Variants in RUVBL1 observed in about 807,000 individuals in gnomAD.
RUVBL1 encodes RuvB like AAA ATPase 1.
RUVBL1 carries 4 observed loss-of-function variants against 52.4 expected under a neutral mutation model. The observed-to-expected ratio is 0.08, with a 90% CI of 0.04 to 0.17. RUVBL1 has a LOEUF of 0.17. Ranked by LOEUF, RUVBL1 falls within the 10% of genes least tolerant of loss-of-function variation. The pLI, the probability that RUVBL1 is intolerant of heterozygous loss-of-function variation, is 1.00. For missense variants in RUVBL1, 298 were observed against 572.8 expected (o/e 0.52, Z 4.90); for synonymous variants, 217 against 214.4 (o/e 1.01, Z -0.10).
rs1382170696 is a variant in RUVBL1, at chr3:128,067,552, G to A, written c.940-2332C>T. On this transcript the variant is annotated intron_variant, in intron 9 of 9. Transcript: ENST00000464873. The surrounding 1 kb of genome is among the most constrained non-coding windows in gnomAD (Gnocchi z 4.1). Reference sequence around the variant, plus strand: ...CAGTTGTATACATAGTGTTCATGCTGGGCTCCTGTGCATTCTTCTCCAAAA... The same window carrying A: ...CAGTTGTATACATAGTGTTCATGCTAGGCTCCTGTGCATTCTTCTCCAAAA... The A allele has an allele frequency of 6.2e-7, 1 of 1,613,752 alleles. No individual in the cohort carries two copies. Among genetic ancestry groups the A allele is most frequent in the South Asian group, 1.1e-5 (1 of 90,974 alleles).
intron 6 of RUVBL1, 142 bp downstream of exon 6, chr3:128,100,453 C>G: frequency 7.7e-6 from 7 of 905,096 alleles, no homozygotes; most frequent in Non-Finnish European, 1.1e-5. Context: ...TAGCTCATGT[C>G]GATGTTAATT....
upstream of RUVBL1, among the ~76,000 whole-genome samples, chr3:128,127,209 G>A (rs551898702): frequency 4.6e-5 from 7 of 152,270 alleles, no homozygotes; most frequent in South Asian, 2.1e-4. Flanking sequence ...CATCATCCTC[G>A]CCTTACTTGC....
At chr3:128,111,024 AG>A (rs1943379147) in intron 3 of RUVBL1, among the ~76,000 whole-genome samples, 1 of 151,912 alleles carries the variant, frequency 6.6e-6, no homozygotes, top group South Asian at 2.1e-4. Context: ...CAGGAAATCA[AG>A]ACCATCCTGG....
rs553813951 is a variant in RUVBL1, at chr3:128,101,609, C to T, written c.553G>A (p.Val185Ile). ...SIFESLQKER[V>I]EAGDVIYIEA... ...ATGTAAATCACATCTCCAGCTTCTA[C>T]TCGCTCTTTCTGCAAACTTTCAAAA... The change falls in exon 5 of 11, where the codon GTA becomes ATA. Residue 185 changes from valine to isoleucine, a missense_variant. Around this residue, in one of 5 missense-constraint regions of RUVBL1, gnomAD observed 58 missense variants for 83.2 expected, o/e 0.70. Transcript: ENST00000322623. The T allele has an allele frequency of 2.5e-6, 4 of 1,614,026 alleles. No individual in the cohort carries two copies. Among genetic ancestry groups the T allele is most frequent in the East Asian group, 4.5e-5 (2 of 44,880 alleles).
chr3:128,152,914 G>GC (rs1473838915), intron 1 of RUVBL1, among the ~76,000 whole-genome samples: 1 of 1,668 alleles, frequency 6.0e-4, no homozygotes, highest in Non-Finnish European at 1.0e-3. Context: ...GCCCTCCCCC[G>GC]CCCCCCGCCG....
At chr3:128,109,554 A>G (rs2107702497) in intron 3 of RUVBL1, among the ~76,000 whole-genome samples, 1 of 152,010 alleles carries the variant, frequency 6.6e-6, no homozygotes, top group East Asian at 1.9e-4. Context: ...GTTGAAGTGC[A>G]GTGGTGTGAT....
At position 128,089,929 on chromosome 3, in the gene RUVBL1, A is replaced by C. The variant is rs1411010207; in HGVS notation, c.1017-2121T>G. 4.7e-5 allele frequency among the ~76,000 whole-genome samples: 7 copies of C among 150,512 alleles called. 1 individual carries two copies. Among genetic ancestry groups the C allele is most frequent in the Admixed American group, 1.3e-4 (2 of 15,110 alleles). On this transcript the variant is annotated intron_variant, in intron 8 of 10. Coordinates refer to ENST00000322623, the MANE Select transcript of RUVBL1 (RefSeq NM_003707.3). ...TATCTCAAAAAAAAAAAAAAAAAAA[A>C]AAAAAAAAAAACACAGAAATAAATG... is the stretch of plus-strand genomic sequence containing the variant.
In RUVBL1 at chr3:128,098,763, G is replaced by A. The variant is rs1943046616; in HGVS notation, c.817+119C>T. On this transcript the variant is annotated intron_variant, in intron 7 of 10. Transcript: ENST00000322623. ...GAGTCAAGCTCTAAGCTATGAGGAAGAAAGAACTGTTCTGAGGCATTTCCT... is the reference window on the plus strand; with the variant it reads ...GAGTCAAGCTCTAAGCTATGAGGAAAAAAGAACTGTTCTGAGGCATTTCCT... 1.7e-5 allele frequency: 14 copies of A among 847,650 alleles called. No homozygotes were observed. In the South Asian group the frequency reaches 2.0e-4, roughly 12 times the overall value. 52.5% of individuals were successfully genotyped at this position (847,650 alleles called of 1,614,324 possible). A position where few individuals can be genotyped will look rare whatever the true frequency, so the allele number is the denominator to read the frequency against.
chr3:128,153,016 C>T (rs1485225641), intron 1 of RUVBL1, among the ~76,000 whole-genome samples: 1 of 94,436 alleles, frequency 1.1e-5, no homozygotes, highest in African/African-American at 4.3e-5. Context: ...CCCTTCGCCC[C>T]CCCATGTTCC....
At chr3:128,153,360 T>G (rs1944284733) in exon 1 of RUVBL1, 5 of 1,383,646 alleles carry the variant, frequency 3.6e-6, no homozygotes, top group Non-Finnish European at 3.7e-6. Flanking sequence ...GCTGTGCCCG[T>G]GAGCCTCAGG....
At position 128,135,127 on chromosome 3, in the gene RUVBL1, A is replaced by C. The variant is rs189426565; in HGVS notation, c.-39-15713T>G. ...TCAAGAATAAGGAAAGACTCCTAAAAGCAGCAAGAGAAAAGAAACAAATAA... is the reference window on the plus strand; with the variant it reads ...TCAAGAATAAGGAAAGACTCCTAAACGCAGCAAGAGAAAAGAAACAAATAA... On this transcript the variant is annotated intron_variant, in intron 1 of 9. Transcript: ENST00000464873. Among the ~76,000 whole-genome samples, 5 of 152,386 alleles carry C rather than the reference A, an allele frequency of 3.3e-5. No individual in the cohort carries two copies. The East Asian group carries it at 7.7e-4, about 23-fold the overall frequency.
intron 9 of RUVBL1, chr3:128,066,586 C>A (rs1464516882): frequency 4.3e-6 from 1 of 232,836 alleles, no homozygotes; most frequent in African/African-American, 2.3e-5. Context: ...CCACACCCGG[C>A]CAGTTTTGTT....
At position 128,116,193 on chromosome 3, in the gene RUVBL1, T is replaced by C. The variant is rs536890271; in HGVS notation, c.228+3135A>G. 5.4e-5 allele frequency among the ~76,000 whole-genome samples: 8 copies of C among 149,232 alleles called. No homozygotes were observed. The East Asian group carries it at 6.0e-4, about 11-fold the overall frequency. Reference sequence around the variant, plus strand: ...AAACATTACAATTAAAAAAAAAACATAAAAGAGGACTCTTGAAGGGCCACA... The same window carrying C: ...AAACATTACAATTAAAAAAAAAACACAAAAGAGGACTCTTGAAGGGCCACA... On this transcript the variant is annotated intron_variant, in intron 2 of 10. Coordinates refer to ENST00000322623, the MANE Select transcript of RUVBL1 (RefSeq NM_003707.3).
chr3:128,153,437 G>T, exon 1 of RUVBL1: 3 of 1,428,734 alleles, frequency 2.1e-6, no homozygotes, highest in African/African-American at 1.5e-5. Context: ...CAACTTAACG[G>T]GCCGGACCGC....
rs531868771 is a variant in RUVBL1, at chr3:128,138,486, G to C, written c.-40+14717C>G. 1.4e-3 allele frequency among the ~76,000 whole-genome samples: 210 copies of C among 151,702 alleles called. 1 individual carries two copies. The highest frequency in any genetic ancestry group is 2.4e-3 in the Admixed American group (37 of 15,236). On this transcript the variant is annotated intron_variant, in intron 1 of 9. Coordinates refer to the RUVBL1 transcript ENST00000464873. ...ATCTACAAATACAATAAAATACTAA[G>C]AATAAACAACCAAAGAAGTCAGAGA...
intron 3 of RUVBL1, among the ~76,000 whole-genome samples, chr3:128,105,148 T>C (rs1314739890): frequency 1.3e-5 from 2 of 150,756 alleles, no homozygotes; most frequent in Non-Finnish European, 3.0e-5. Context: ...AGTCTCGCTC[T>C]GTTGCCCAGG....
At chr3:128,109,461 AACC>A (rs1248032110) in intron 3 of RUVBL1, among the ~76,000 whole-genome samples, 1 of 152,060 alleles carries the variant, frequency 6.6e-6, no homozygotes, top group Non-Finnish European at 1.5e-5. Context: ...ACCTCACTAC[AACC>A]ACCAACTCCT....
In RUVBL1 at chr3:128,105,206, C is replaced by T. The variant is rs11719079; in HGVS notation, c.362-282G>A. ...CGACTCACTGCAACCTCTGCCTCCC[C>T]GGTTCACTCCATTCTCCTGCCTCAG... is the stretch of plus-strand genomic sequence containing the variant. On this transcript the variant is annotated intron_variant, in intron 3 of 10. Transcript: ENST00000322623. 1.7e-4 allele frequency among the ~76,000 whole-genome samples: 25 copies of T among 151,386 alleles called. 1 individual carries two copies. The South Asian group carries it at 2.1e-3, about 13-fold the overall frequency.
At chr3:128,110,623 C>T (rs943405287) in intron 3 of RUVBL1, among the ~76,000 whole-genome samples, 4 of 151,924 alleles carry the variant, frequency 2.6e-5, no homozygotes, top group African/African-American at 9.7e-5. Flanking sequence ...AAATATATTC[C>T]AAGTAACACA....
Sources: allele counts gnomAD v4.1 joint callset (sites outside exome capture counted in the v4.1 genomes callset), GRCh38; gene constraint gnomAD v4.1.1; regional missense constraint gnomAD v4.1.1; non-coding constraint Gnocchi (gnomAD v3.1); transcripts MANE v1.5; gene names NCBI Gene and HGNC (gene_info 2026-07-23, HGNC 2026-07-21).